The following BBS9 variants were observed in gnomAD, a reference collection of about 807,000 sequenced individuals.
BBS9 encodes Bardet-Biedl syndrome 9.
A neutral mutation model predicts 117.7 loss-of-function variants in BBS9; 89 were observed. The ratio of observed to expected loss-of-function variants is 0.76; its 90% CI spans 0.64 to 0.90. The LOEUF is 0.90. Among genes scored for constraint, BBS9 ranks in the 40% least tolerant of loss-of-function variants. The probability of loss-of-function intolerance (pLI) is 0.00; values close to 1 mark genes in which losing one functional copy is unlikely to be tolerated. For synonymous variants in BBS9, 379 were observed against 370.9 expected, an observed-to-expected ratio of 1.02 and a Z score of -0.25; for missense variants, 982 against 1,042.2, an observed-to-expected ratio of 0.94 and a Z score of 0.80.
At chr7:33,478,043 G>A (rs562565413) in intron 19 of BBS9, among the ~76,000 whole-genome samples, 1 of 152,054 alleles carries the variant, frequency 6.6e-6, no homozygotes, top group African/African-American at 2.4e-5. Flanking sequence ...GAAATTGTAT[G>A]TCTCTTGCTA....
intron 9 of BBS9, among the ~76,000 whole-genome samples, chr7:33,319,905 G>C (rs542028348): frequency 1.3e-5 from 2 of 152,138 alleles, no homozygotes; most frequent in African/African-American, 4.8e-5. Flanking sequence ...CCAAGGGCAC[G>C]AATAGACAGT....
chr7:33,623,365 AAGG>A (rs1172373787), intron 21 of BBS9, among the ~76,000 whole-genome samples: 2 of 152,184 alleles, frequency 1.3e-5, no homozygotes, highest in African/African-American at 4.8e-5. Context: ...ATAGGAGAAA[AAGG>A]AGAAGTCTAC....
In BBS9 at chr7:33,257,363, A is replaced by G. The variant is rs1383830633; in HGVS notation, c.570A>G (p.Thr190=). 1.2e-6 allele frequency: 2 copies of G among 1,614,000 alleles called. No individual in the cohort carries two copies. Among genetic ancestry groups the G allele is most frequent in the Non-Finnish European group, 1.7e-6 (2 of 1,179,928 alleles). ...LPGPLAYSSR[T]DSFLTVSSCQ... Reference sequence around the variant, plus strand: ...GTCCTCTTGCCTACAGTTCCCGTACAGATTCCTTCCTTACTGTCTCTTCCT... The same window carrying G: ...GTCCTCTTGCCTACAGTTCCCGTACGGATTCCTTCCTTACTGTCTCTTCCT... The change falls in exon 6 of 23, where the codon ACA becomes ACG. Residue 190 remains threonine, a synonymous_variant. Transcript: ENST00000242067.
chr7:33,341,639 A>AATC (rs35979357), intron 11 of BBS9, among the ~76,000 whole-genome samples: 150,805 of 152,094 alleles, frequency 0.99, 74,780 homozygotes, highest in Non-Finnish European at 1. Context: ...ACATTATAAT[A>AATC]ATCAACATCA....
At chr7:33,201,154 T>G (rs1785788454) in intron 5 of BBS9, among the ~76,000 whole-genome samples, 1 of 152,106 alleles carries the variant, frequency 6.6e-6, no homozygotes, top group African/African-American at 2.4e-5. Flanking sequence ...ATTCTGGACC[T>G]GGGTGGGGAA....
intron 13 of BBS9, among the ~76,000 whole-genome samples, chr7:33,350,086 C>T (rs1464555593): frequency 6.6e-6 from 1 of 152,192 alleles, no homozygotes; most frequent in African/African-American, 2.4e-5. Context: ...GAATCTCTTA[C>T]TCCCAACCAT....
chr7:33,153,074 A>G (rs538386059), intron 3 of BBS9, among the ~76,000 whole-genome samples: 1 of 152,374 alleles, frequency 6.6e-6, no homozygotes, highest in East Asian at 1.9e-4. Flanking sequence ...AAGATGCCTG[A>G]CATTATCAGA....
chr7:33,396,896 A>C (rs1828058572), intron 19 of BBS9, among the ~76,000 whole-genome samples: 1 of 152,240 alleles, frequency 6.6e-6, no homozygotes, highest in South Asian at 2.1e-4. Context: ...AAAAACAATC[A>C]GTGGGAAAGA....
At chr7:33,256,894 C>T (rs1797164324) in intron 5 of BBS9, among the ~76,000 whole-genome samples, 1 of 152,034 alleles carries the variant, frequency 6.6e-6, no homozygotes, top group Non-Finnish European at 1.5e-5. Flanking sequence ...TCTATGTTTT[C>T]TATGTATCAG....
intron 5 of BBS9, among the ~76,000 whole-genome samples, chr7:33,206,679 C>G (rs1235185826): frequency 2.0e-5 from 3 of 152,054 alleles, no homozygotes; most frequent in Non-Finnish European, 4.4e-5. Flanking sequence ...GTACAGTTAT[C>G]AGTTTCCCAA....
At chr7:33,347,837 T>C (rs886578198) in intron 12 of BBS9, among the ~76,000 whole-genome samples, 35 of 151,978 alleles carry the variant, frequency 2.3e-4, no homozygotes, top group African/African-American at 8.0e-4. Context: ...CCTTGAATTA[T>C]GTTAATGTAT....
At chr7:33,500,067 G>A (rs1845233988) in intron 19 of BBS9, among the ~76,000 whole-genome samples, 2 of 152,132 alleles carry the variant, frequency 1.3e-5, no homozygotes, top group African/African-American at 4.8e-5. Context: ...AAAAACCTTA[G>A]TATGTTAACT....
chr7:33,402,145 T>TA (rs2128793339), intron 19 of BBS9, among the ~76,000 whole-genome samples: 1 of 152,290 alleles, frequency 6.6e-6, no homozygotes, highest in African/African-American at 2.4e-5. Context: ...TTTATGAATG[T>TA]AATTATCTGT....
intron 3 of BBS9, among the ~76,000 whole-genome samples, chr7:33,154,861 T>C (rs2128112759): frequency 6.6e-6 from 1 of 152,368 alleles, no homozygotes; most frequent in African/African-American, 2.4e-5. Flanking sequence ...CTGGCTTTTC[T>C]TGAAAAATGT....
chr7:33,224,735 T>C (rs1790922572), intron 5 of BBS9, among the ~76,000 whole-genome samples: 1 of 152,166 alleles, frequency 6.6e-6, no homozygotes, highest in Admixed American at 6.5e-5. Flanking sequence ...TCTGTCCACA[T>C]TTACTGTAAA....
chr7:33,217,129 A>G (rs1438336312), intron 5 of BBS9, among the ~76,000 whole-genome samples: 1 of 151,818 alleles, frequency 6.6e-6, no homozygotes, highest in African/African-American at 2.4e-5. Flanking sequence ...TAAAAATACA[A>G]CCTATAGAAG....
chr7:33,621,291 C>G (rs1865392864), intron 21 of BBS9, among the ~76,000 whole-genome samples: 1 of 152,162 alleles, frequency 6.6e-6, no homozygotes, highest in African/African-American at 2.4e-5. Context: ...TATTTGTGAA[C>G]CGTGTATCTA....
At chr7:33,167,221 A>C (rs569171313) in intron 4 of BBS9, among the ~76,000 whole-genome samples, 9 of 152,236 alleles carry the variant, frequency 5.9e-5, no homozygotes, top group African/African-American at 2.2e-4. Context: ...GATAACTGAA[A>C]GTTATAGGTA....
In BBS9 at chr7:33,468,987, A is replaced by G. The variant is rs562372585; in HGVS notation, c.2116-36476A>G. Among the ~76,000 whole-genome samples the G allele has an allele frequency of 6.0e-5, 8 of 134,350 alleles. No individual in the cohort carries two copies. The East Asian group carries it at 6.4e-4, about 11-fold the overall frequency. 88.1% of individuals were successfully genotyped at this position (134,350 alleles called of 152,430 possible). On this transcript the variant is annotated intron_variant, in intron 19 of 22. Coordinates refer to ENST00000242067, the MANE Select transcript of BBS9 (RefSeq NM_198428.3). ...AAACAGGCATACAGATTTCTCTTCA[A>G]TCTACTGATTCCTTTTTTTTTTTTT...
Sources: allele counts gnomAD v4.1 joint callset (sites outside exome capture counted in the v4.1 genomes callset), GRCh38; gene constraint gnomAD v4.1.1; transcripts MANE v1.5; gene names NCBI Gene and HGNC (gene_info 2026-07-23, HGNC 2026-07-21).